Variants in C1GALT1 observed in about 807,000 individuals in gnomAD.
The protein encoded by C1GALT1 is core 1 synthase, glycoprotein-N-acetylgalactosamine 3-beta-galactosyltransferase 1.
In C1GALT1, 11 loss-of-function variants were observed where a neutral mutation model predicts 31.0. The observed-to-expected ratio is 0.36, with a 90% CI of 0.22 to 0.59. The LOEUF is 0.59. Among genes scored for constraint, C1GALT1 ranks in the 20% least tolerant of loss-of-function variants. The probability of loss-of-function intolerance (pLI) is 0.79; values close to 1 mark genes in which losing one functional copy is unlikely to be tolerated. For missense variants in C1GALT1, 424 were observed against 425.2 expected, an observed-to-expected ratio of 1.00 and a Z score of 0.03; for synonymous variants, 175 against 143.6, an observed-to-expected ratio of 1.22 and a Z score of -1.56.
chr7:7,228,380 G>C (rs548237990), intron 1 of C1GALT1, among the ~76,000 whole-genome samples: 1 of 152,100 alleles, frequency 6.6e-6, no homozygotes, highest in African/African-American at 2.4e-5. Flanking sequence ...ATCCTCAAGC[G>C]ATTCTGATTA....
intron 1 of C1GALT1, among the ~76,000 whole-genome samples, chr7:7,201,401 C>G (rs963178568): frequency 6.6e-6 from 1 of 152,140 alleles, no homozygotes; most frequent in Admixed American, 6.5e-5. Flanking sequence ...GTATGAGGTG[C>G]CAGTCGGCCC....
intron 1 of C1GALT1, among the ~76,000 whole-genome samples, chr7:7,227,314 T>G (rs1782810511): frequency 6.6e-6 from 1 of 152,164 alleles, no homozygotes; most frequent in African/African-American, 2.4e-5. Context: ...AACAAGGCCT[T>G]TAAGGAAGTG....
intron 1 of C1GALT1, among the ~76,000 whole-genome samples, chr7:7,217,904 C>T (rs1390561470): frequency 1.3e-5 from 2 of 152,128 alleles, no homozygotes; most frequent in Non-Finnish European, 2.9e-5. Context: ...TCAATTGTAG[C>T]TCTCCCCTCC....
chr7:7,219,248 T>A (rs987935463), intron 1 of C1GALT1, among the ~76,000 whole-genome samples: 1 of 152,254 alleles, frequency 6.6e-6, no homozygotes, highest in African/African-American at 2.4e-5. Context: ...GAAAATATTC[T>A]ATGATACTAT....
Position 7,187,109 on chromosome 7 carries a change from G to A in C1GALT1, c.-18+4289G>A, listed in dbSNP as rs116035652. ...GGTTGCTCAGACCAGGGTGATAGCA[G>A]TGGAGAAGTCAGAAGAGGTACAAGA... On this transcript the variant is annotated intron_variant, in intron 1 of 3. Transcript: ENST00000436587. Among the ~76,000 whole-genome samples the A allele has an allele frequency of 2.0e-3, 307 of 152,352 alleles. 1 individual carries two copies. Among genetic ancestry groups the A allele is most frequent in the African/African-American group, 6.9e-3 (288 of 41,588 alleles).
At chr7:7,233,678 T>G (rs1783197414) in intron 1 of C1GALT1, among the ~76,000 whole-genome samples, 3 of 152,230 alleles carry the variant, frequency 2.0e-5, no homozygotes, top group African/African-American at 7.2e-5. Context: ...GCAGTCAGTA[T>G]ATAAATGAAT....
intron 1 of C1GALT1, among the ~76,000 whole-genome samples, chr7:7,226,255 G>C (rs979078509): frequency 1.4e-4 from 21 of 152,150 alleles, no homozygotes; most frequent in African/African-American, 5.1e-4. Context: ...ATGGTTAGAA[G>C]AGGGAATATA....
At chr7:7,177,270 G>A (rs1780514072) in intron 2 of C1GALT1, among the ~76,000 whole-genome samples, 1 of 152,108 alleles carries the variant, frequency 6.6e-6, no homozygotes, top group South Asian at 2.1e-4. Context: ...ACAAAAATGT[G>A]CATTGTTAAT....
chr7:7,158,584 A>G (rs1174872800), intron 2 of C1GALT1, among the ~76,000 whole-genome samples: 7 of 150,436 alleles, frequency 4.7e-5, no homozygotes, highest in African/African-American at 1.7e-4. Flanking sequence ...ACATTTTTAT[A>G]TATTTATATA....
chr7:7,227,617 G>A (rs548240559), intron 1 of C1GALT1, among the ~76,000 whole-genome samples: 1 of 151,502 alleles, frequency 6.6e-6, no homozygotes, highest in South Asian at 2.1e-4. Context: ...CTACTTGGGA[G>A]GCTGAGGCAG....
intron 1 of C1GALT1, among the ~76,000 whole-genome samples, chr7:7,211,615 G>T (rs1168981202): frequency 6.6e-6 from 1 of 152,224 alleles, no homozygotes; most frequent in African/African-American, 2.4e-5. Context: ...GTGTGGTGTA[G>T]TAGATAATTT....
intron 1 of C1GALT1, among the ~76,000 whole-genome samples, chr7:7,196,635 C>A (rs1432497817): frequency 6.6e-6 from 1 of 152,190 alleles, no homozygotes; most frequent in African/African-American, 2.4e-5. Flanking sequence ...TGAGGAATTG[C>A]CACACTGTCT....
intron 1 of C1GALT1, among the ~76,000 whole-genome samples, chr7:7,192,198 A>G (rs1274014565): frequency 6.7e-6 from 1 of 149,020 alleles, no homozygotes; most frequent in African/African-American, 2.5e-5. Context: ...GGTTACATGG[A>G]TATGTTTTTT....
intron 1 of C1GALT1, among the ~76,000 whole-genome samples, chr7:7,208,910 C>G (rs1458263291): frequency 1.3e-5 from 2 of 152,112 alleles, no homozygotes; most frequent in African/African-American, 4.8e-5. Flanking sequence ...CCTTACTGTC[C>G]AGGACTTTTT....
chr7:7,162,093 G>T, intron 2 of C1GALT1, among the ~76,000 whole-genome samples: 2 of 145,754 alleles, frequency 1.4e-5, no homozygotes, highest in African/African-American at 5.1e-5. Flanking sequence ...TTTTTTATTA[G>T]CTATTTTTCT....
At chr7:7,180,491 T>A (rs1780557961), upstream of C1GALT1, among the ~76,000 whole-genome samples, 1 of 151,320 alleles carries the variant, frequency 6.6e-6, no homozygotes. Flanking sequence ...ATGCAACTTT[T>A]AAAAATGATG....
intron 1 of C1GALT1, among the ~76,000 whole-genome samples, chr7:7,221,695 G>T (rs904359933): frequency 1.3e-5 from 2 of 152,164 alleles, no homozygotes; most frequent in Non-Finnish European, 2.9e-5. Context: ...AAACAAAGTG[G>T]TTTTTAACTT....
At chr7:7,177,953 T>C (rs1780522770), upstream of C1GALT1, 1 of 205,168 alleles carries the variant, frequency 4.9e-6, no homozygotes, top group East Asian at 1.1e-4. Context: ...CTACAGGTCA[T>C]CCAGCTAATC....
In C1GALT1 at chr7:7,244,411, G is replaced by C. The variant is rs1783763401; in HGVS notation, c.*684G>C. On this transcript the variant is annotated 3_prime_UTR_variant, in exon 4 of 4. Transcript: ENST00000436587. The stretch of plus-strand genomic sequence containing the variant: ...ATTAGTCATCTTTTACGCAATCTCT[G>C]TTGTCTCTTTTCTAAATGTGTTTAG... 1 of 152,060 alleles carries C rather than the reference G, an allele frequency of 6.6e-6. No individual in the cohort carries two copies. The highest frequency in any genetic ancestry group is 1.5e-5 in the Non-Finnish European group (1 of 67,980). The allele number at this position is 152,060 out of a possible 1,614,324, so 9.4% of individuals were successfully genotyped here. A position where few individuals can be genotyped will look rare whatever the true frequency, so the allele number is the denominator to read the frequency against.
Sources: gnomAD v4.1 joint callset for allele counts (sites outside exome capture counted in the v4.1 genomes callset) on GRCh38, gnomAD v4.1.1 for gene constraint, MANE v1.5 for transcripts, NCBI Gene and HGNC (gene_info 2026-07-23, HGNC 2026-07-21) for gene names.